The following DDX42 variants were observed in gnomAD, a reference collection of about 807,000 sequenced individuals.
The protein encoded by DDX42 is ATP-dependent RNA helicase DDX42.
DDX42 carries 22 observed loss-of-function variants against 101.5 expected under a neutral mutation model. The ratio of observed to expected loss-of-function variants is 0.22; its 90% CI spans 0.15 to 0.31. DDX42 has a LOEUF of 0.31. Ranked by LOEUF, DDX42 falls within the 10% of genes least tolerant of loss-of-function variation. DDX42 has a pLI of 1.00. For synonymous variants in DDX42, 402 were observed against 401.2 expected (o/e 1.00, Z -0.02); for missense variants, 849 against 1,199.9 (o/e 0.71, Z 4.32).
Position 63,818,151 on chromosome 17 carries a change from A to G in DDX42, c.2570A>G (p.His857Arg). The G allele has an allele frequency of 1.2e-6, 2 of 1,614,068 alleles. No homozygotes were observed. The highest frequency in any genetic ancestry group is 2.2e-5 in the East Asian group (1 of 44,888). The change falls in exon 18 of 18, where the codon CAT (histidine) becomes CGT (arginine). Residue 857 changes from histidine to arginine, a missense_variant. Around this residue, in one of 5 missense-constraint regions of DDX42, gnomAD observed 300 missense variants for 304.9 expected, o/e 0.98. Transcript: ENST00000389924. ...PESSSRHTDG[H>R]RHGENRHGGS... ...AGCAGCAGCCGTCATACTGATGGCC[A>G]TCGGCACGGGGAGAACAGACATGGA...
intron 1 of DDX42, among the ~76,000 whole-genome samples, chr17:63,777,633 A>G (rs567779341): frequency 4.7e-4 from 71 of 152,094 alleles, no homozygotes; most frequent in African/African-American, 1.6e-3. Context: ...TATCTTTAAT[A>G]GAGATGGGGT....
Position 63,797,657 on chromosome 17 carries a change from T to A in DDX42, c.373-381T>A, listed in dbSNP as rs1309026024. 5.3e-5 allele frequency among the ~76,000 whole-genome samples: 8 copies of A among 152,356 alleles called. No individual in the cohort carries two copies. The East Asian group carries it at 1.5e-3, about 29-fold the overall frequency. ...AAATTGTCCCAGATTGAGAGCAACCTTTCCAGAGTCAGATGTATGTGGTCT... is the reference window on the plus strand; with the variant it reads ...AAATTGTCCCAGATTGAGAGCAACCATTCCAGAGTCAGATGTATGTGGTCT... On this transcript the variant is annotated intron_variant, in intron 3 of 17. Coordinates refer to ENST00000389924, the MANE Select transcript of DDX42 (RefSeq NM_203499.3).
Position 63,774,201 on chromosome 17 carries a change from A to AGGCGGTGGC in DDX42, c.-189_-181dup, listed in dbSNP as rs1555717919. 85 of 259,928 alleles carry AGGCGGTGGC rather than the reference A, an allele frequency of 3.3e-4. 16 individuals carry two copies. Among genetic ancestry groups the AGGCGGTGGC allele is most frequent in the Non-Finnish European group, 4.0e-4 (57 of 142,554 alleles). 16.1% of individuals were successfully genotyped at this position (259,928 alleles called of 1,614,324 possible). A position where few individuals can be genotyped will look rare whatever the true frequency, so the allele number is the denominator to read the frequency against. ...CTCCCCCCTTCAGCAACGGGCCGTGAGGCGGTGGCGGTGGTGGCGGTGGCG... is the reference window on the plus strand; with the variant it reads ...CTCCCCCCTTCAGCAACGGGCCGTGAGGCGGTGGCGGCGGTGGCGGTGGTGGCGGTGGCG... On this transcript the variant is annotated 5_prime_UTR_variant, in exon 1 of 18. Transcript: ENST00000389924.
intron 2 of DDX42, among the ~76,000 whole-genome samples, chr17:63,789,665 C>G (rs958434221): frequency 6.8e-6 from 1 of 147,730 alleles, no homozygotes; most frequent in Non-Finnish European, 1.5e-5. Context: ...CCTCTGCCTC[C>G]TGGGTTCAAG....
rs1392876213 is a variant in DDX42, at chr17:63,806,483, T to C, written c.727-52T>C. ...CAGGTAAGTATTGTTGAACTTCAAA[T>C]GCTGTTAATGTTGAAGTACAAGTCA... On this transcript the variant is annotated intron_variant, in intron 7 of 17. Transcript: ENST00000389924. The C allele has an allele frequency of 3.9e-6, 6 of 1,543,134 alleles. No individual in the cohort carries two copies. The Admixed American group carries it at 7.8e-5, about 20-fold the overall frequency.
intron 3 of DDX42, 43 bp from the exon 4 acceptor site, chr17:63,797,995 G>A (rs1401088089): frequency 1.3e-6 from 2 of 1,558,740 alleles, no homozygotes; most frequent in African/African-American, 1.4e-5. Context: ...TTCTTTCAGT[G>A]TTTTTAGTTG....
chr17:63,790,185 A>G (rs2039608536), intron 2 of DDX42, among the ~76,000 whole-genome samples: 1 of 152,198 alleles, frequency 6.6e-6, no homozygotes. Context: ...TACTATATGA[A>G]TGAATATGCA....
At chr17:63,776,391 C>T (rs1317099918) in intron 1 of DDX42, 2 of 152,380 alleles carry the variant, frequency 1.3e-5, no homozygotes, top group African/African-American at 2.4e-5. Context: ...TCTGTTATGA[C>T]ACTTGCCCTT....
Position 63,787,203 on chromosome 17 carries a change from G to C in DDX42, c.154G>C (p.Ala52Pro), listed in dbSNP as rs200639700. Reference protein sequence around the residue: ...TSSSSGFGKSAPPQLPSFYKI... With the variant: ...TSSSSGFGKSPPPQLPSFYKI... Reference sequence around the variant, plus strand: ...CTCTTCTTCTGGATTTGGAAAGTCAGCTCCACCACAGCTTCCTTCTTTCTA... The same window carrying C: ...CTCTTCTTCTGGATTTGGAAAGTCACCTCCACCACAGCTTCCTTCTTTCTA... The change falls in exon 2 of 18, where the codon GCT becomes CCT. Residue 52 changes from alanine to proline, a missense_variant. Transcript: ENST00000389924. 7.4e-6 allele frequency: 12 copies of C among 1,614,172 alleles called. No homozygotes were observed. In the East Asian group the frequency reaches 2.2e-4, roughly 30 times the overall value.
In DDX42 at chr17:63,787,167, G is replaced by C. The variant is rs754610104; in HGVS notation, c.118G>C (p.Gly40Arg). 2.5e-6 allele frequency: 4 copies of C among 1,614,152 alleles called. No individual in the cohort carries two copies. Among genetic ancestry groups the C allele is most frequent in the Non-Finnish European group, 3.4e-6 (4 of 1,180,040 alleles). ...KLPQQSHSAF[G>R]ATSSSSGFGK... ...CCCACAGCAGTCCCACAGTGCCTTT[G>C]GGGCAACCAGCTCTTCTTCTGGATT... Residue 40 changes from glycine to arginine, a missense_variant, in exon 2 of 18, where the codon GGG (glycine) becomes CGG (arginine). Physicochemically the swap from Gly to Arg is moderately radical, Grantham distance 125. Coordinates refer to ENST00000389924, the MANE Select transcript of DDX42 (RefSeq NM_203499.3).
At chr17:63,795,058 T>G (rs775165051) in intron 3 of DDX42, among the ~76,000 whole-genome samples, 16 of 152,056 alleles carry the variant, frequency 1.1e-4, no homozygotes, top group South Asian at 6.2e-4. Context: ...GGGAAAGAAA[T>G]AATCCAAGAT....
intron 6 of DDX42, among the ~76,000 whole-genome samples, chr17:63,801,579 G>T (rs185988350): frequency 3.7e-4 from 56 of 151,816 alleles, no homozygotes; most frequent in Admixed American, 2.0e-3. Flanking sequence ...GCCCAGGCTG[G>T]AGTGCAGTGG....
At chr17:63,798,133 G>C (rs753592017) in intron 4 of DDX42, 34 bp downstream of exon 4, 10 of 1,600,610 alleles carry the variant, frequency 6.2e-6, no homozygotes, top group Middle Eastern at 1.7e-4. Flanking sequence ...CAAAGGTTAC[G>C]TGAAAACTGC....
At chr17:63,793,385 A>C (rs748249830) in intron 3 of DDX42, among the ~76,000 whole-genome samples, 110 of 152,020 alleles carry the variant, frequency 7.2e-4, no homozygotes, top group Non-Finnish European at 8.7e-4. Flanking sequence ...CTCCTGCCTC[A>C]GCCTCCTGAA....
chr17:63,791,264 A>G (rs777638319), intron 2 of DDX42, among the ~76,000 whole-genome samples: 5 of 152,218 alleles, frequency 3.3e-5, no homozygotes, highest in Admixed American at 6.5e-5. Context: ...TCCTTTCTGA[A>G]TACTTAAGTA....
intron 1 of DDX42, among the ~76,000 whole-genome samples, chr17:63,782,761 A>G (rs1364758080): frequency 6.6e-6 from 1 of 152,174 alleles, no homozygotes; most frequent in African/African-American, 2.4e-5. Flanking sequence ...TGCCTCTACC[A>G]TGAGTATCTC....
intron 6 of DDX42, among the ~76,000 whole-genome samples, chr17:63,800,933 C>G (rs2039757966): frequency 8.8e-6 from 1 of 113,138 alleles, no homozygotes. Context: ...TCCTTTCTTT[C>G]TTTTCTTTCC....
chr17:63,779,962 A>G (rs555225072), intron 1 of DDX42, among the ~76,000 whole-genome samples: 2 of 152,236 alleles, frequency 1.3e-5, no homozygotes, highest in African/African-American at 4.8e-5. Context: ...AATCTCTGTG[A>G]TTGTCAAGGT....
rs1598347262 is a variant in DDX42, at chr17:63,819,089, ACAAGAAAC to A, written c.*693_*700del. 1 of 152,480 alleles carries A rather than the reference ACAAGAAAC, an allele frequency of 6.6e-6. No individual in the cohort carries two copies. Among genetic ancestry groups the A allele is most frequent in the East Asian group, 1.9e-4 (1 of 5,200 alleles). The allele number at this position is 152,480 out of a possible 1,614,324, so 9.4% of individuals were successfully genotyped here. A position where few individuals can be genotyped will look rare whatever the true frequency, so the allele number is the denominator to read the frequency against. The stretch of plus-strand genomic sequence containing the variant: ...ATGGTATTGCTAAATTTAAAATTAA[ACAAGAAAC>A]CCAACAACAGCTTTTAAAGTGTCTT... On this transcript the variant is annotated 3_prime_UTR_variant, in exon 18 of 18. Coordinates refer to ENST00000389924, the MANE Select transcript of DDX42 (RefSeq NM_203499.3).
Sources: gnomAD v4.1 joint callset for allele counts (sites outside exome capture counted in the v4.1 genomes callset) on GRCh38, gnomAD v4.1.1 for gene constraint, gnomAD v4.1.1 regional missense constraint, MANE v1.5 for transcripts, NCBI Gene and HGNC (gene_info 2026-07-23, HGNC 2026-07-21) for gene names.